FARSB: variants seen among roughly 807,000 people sequenced by gnomAD.
FARSB encodes phenylalanine--tRNA ligase beta subunit.
In FARSB, 40 loss-of-function variants were observed where a neutral mutation model predicts 69.6. That is an observed-to-expected ratio of 0.57 (90% CI 0.45 to 0.75). The LOEUF is 0.75. FARSB is among the 30% of genes least tolerant of loss of function. The pLI is 0.00. For synonymous variants in FARSB, 235 were observed against 247.2 expected (o/e 0.95, Z 0.46); for missense variants, 632 against 722.9 (o/e 0.87, Z 1.44).
chr2:222,573,792 G>A (rs1292953013), intron 16 of FARSB, among the ~76,000 whole-genome samples: 1 of 152,156 alleles, frequency 6.6e-6, no homozygotes, highest in Admixed American at 6.5e-5. Context: ...AAAGACACCA[G>A]CTTGCTGTGG....
At chr2:222,600,721 A>C (rs1690535549) in intron 15 of FARSB, among the ~76,000 whole-genome samples, 1 of 152,224 alleles carries the variant, frequency 6.6e-6, no homozygotes, top group African/African-American at 2.4e-5. Context: ...ATAGATTGGA[A>C]AACTATGAAG....
intron 13 of FARSB, among the ~76,000 whole-genome samples, chr2:222,623,131 A>T (rs954728267): frequency 6.6e-6 from 1 of 152,204 alleles, no homozygotes; most frequent in African/African-American, 2.4e-5. Context: ...CAAATGGTCA[A>T]TCTGGTGGGG....
intron 5 of FARSB, among the ~76,000 whole-genome samples, chr2:222,638,575 G>A (rs962099567): frequency 1.3e-5 from 2 of 152,142 alleles, no homozygotes; most frequent in Non-Finnish European, 2.9e-5. Flanking sequence ...GGGAATAAAT[G>A]CTATTTGGAA....
chr2:222,574,102 A>G (rs1689777965), intron 16 of FARSB, among the ~76,000 whole-genome samples: 1 of 152,212 alleles, frequency 6.6e-6, no homozygotes, highest in Admixed American at 6.5e-5. Context: ...AGCAAAATAA[A>G]GCCTAAGAGA....
At chr2:222,606,768 A>G (rs971417148) in intron 15 of FARSB, among the ~76,000 whole-genome samples, 17 of 152,226 alleles carry the variant, frequency 1.1e-4, no homozygotes, top group African/African-American at 4.1e-4. Context: ...CAAAGTACCA[A>G]TGATTAAAAA....
chr2:222,576,007 T>C (rs1009024623), intron 16 of FARSB, among the ~76,000 whole-genome samples: 9 of 151,392 alleles, frequency 5.9e-5, no homozygotes, highest in Non-Finnish European at 1.5e-5. Flanking sequence ...AGAAATATTA[T>C]AGGCCCAAAG....
intron 1 of FARSB, among the ~76,000 whole-genome samples, chr2:222,654,369 C>T (rs1692116722): frequency 6.6e-6 from 1 of 152,180 alleles, no homozygotes; most frequent in Non-Finnish European, 1.5e-5. Flanking sequence ...TAACTTCAGG[C>T]TATGCATATA....
intron 14 of FARSB, among the ~76,000 whole-genome samples, chr2:222,618,948 C>T (rs981108728): frequency 6.6e-6 from 1 of 152,110 alleles, no homozygotes; most frequent in African/African-American, 2.4e-5. Context: ...CAGAACCAGC[C>T]TCGCCAACAT....
chr2:222,604,980 G>C (rs1194504915), intron 15 of FARSB, among the ~76,000 whole-genome samples: 1 of 152,046 alleles, frequency 6.6e-6, no homozygotes, highest in East Asian at 1.9e-4. Flanking sequence ...ATCTATGCCA[G>C]CTGAGATAAG....
At chr2:222,597,139 C>A (rs1690439994) in intron 16 of FARSB, among the ~76,000 whole-genome samples, 1 of 152,142 alleles carries the variant, frequency 6.6e-6, no homozygotes, top group African/African-American at 2.4e-5. Flanking sequence ...GAAAGTAAAT[C>A]TCCTGCCCTT....
intron 15 of FARSB, among the ~76,000 whole-genome samples, chr2:222,605,358 C>T (rs375610125): frequency 3.3e-5 from 5 of 152,126 alleles, no homozygotes; most frequent in South Asian, 2.1e-4. Context: ...CACACAGGCA[C>T]GTATTGAAAC....
intron 5 of FARSB, 79 bp from the exon 6 acceptor site, chr2:222,634,620 C>T (rs1317668142): frequency 1.6e-5 from 18 of 1,114,026 alleles, no homozygotes; most frequent in South Asian, 1.9e-5. Context: ...ATTCTAAAGC[C>T]GAAATTCTAA....
chr2:222,594,183 CAGTG>C (rs1690352426), intron 16 of FARSB, among the ~76,000 whole-genome samples: 1 of 150,072 alleles, frequency 6.7e-6, no homozygotes, highest in Non-Finnish European at 1.5e-5. Flanking sequence ...GGGAGAATCA[CAGTG>C]AGCCATGATC....
intron 16 of FARSB, among the ~76,000 whole-genome samples, chr2:222,585,656 C>T (rs376778877): frequency 6.6e-6 from 1 of 152,182 alleles, no homozygotes; most frequent in African/African-American, 2.4e-5. Flanking sequence ...GTAGAATAAA[C>T]AGCATAGAGA....
At chr2:222,580,144 A>T (rs187421863) in intron 16 of FARSB, among the ~76,000 whole-genome samples, 8 of 151,814 alleles carry the variant, frequency 5.3e-5, no homozygotes, top group Non-Finnish European at 4.4e-5. Flanking sequence ...AATATTATAT[A>T]TAATGAATTA....
chr2:222,602,975 A>G (rs1355587190), intron 15 of FARSB, among the ~76,000 whole-genome samples: 1 of 152,028 alleles, frequency 6.6e-6, no homozygotes, highest in Non-Finnish European at 1.5e-5. Context: ...CTGAAAATTA[A>G]TTTATTAAAT....
At position 222,631,325 on chromosome 2, in the gene FARSB, A is replaced by G. The variant is rs59550873; in HGVS notation, c.786+279T>C. On this transcript the variant is annotated intron_variant, in intron 8 of 16. Coordinates refer to ENST00000281828, the MANE Select transcript of FARSB (RefSeq NM_005687.5). ...TGTTTTATAGTTACGTATATGACTA[A>G]CTCTCCCCCTAGGAGTTCTTTGAAG... 6.1e-3 allele frequency among the ~76,000 whole-genome samples: 926 copies of G among 152,120 alleles called. 9 individuals are homozygous for G. The highest frequency in any genetic ancestry group is 0.021 in the African/African-American group (868 of 41,480).
At chr2:222,609,222 A>G (rs1199784317) in intron 15 of FARSB, among the ~76,000 whole-genome samples, 1 of 152,224 alleles carries the variant, frequency 6.6e-6, no homozygotes, top group Non-Finnish European at 1.5e-5. Context: ...AAGCCTGAAT[A>G]TTGGATTTTG....
At chr2:222,638,919 T>C (rs1691649479) in intron 5 of FARSB, among the ~76,000 whole-genome samples, 1 of 152,230 alleles carries the variant, frequency 6.6e-6, no homozygotes, top group Non-Finnish European at 1.5e-5. Context: ...TTTCTCATCA[T>C]CAGTAAGTAT....
Sources: allele counts gnomAD v4.1 joint callset (sites outside exome capture counted in the v4.1 genomes callset), GRCh38; gene constraint gnomAD v4.1.1; transcripts MANE v1.5; gene names NCBI Gene and HGNC (gene_info 2026-07-23, HGNC 2026-07-21).